Variants in PDE4D observed in about 807,000 individuals in gnomAD.
The protein encoded by PDE4D is 3',5'-cyclic-AMP phosphodiesterase 4D.
In PDE4D, 24 loss-of-function variants were observed where a neutral mutation model predicts 87.4. The ratio of observed to expected loss-of-function variants is 0.27; its 90% CI spans 0.20 to 0.39. The LOEUF is 0.39. PDE4D is among the 10% of genes least tolerant of loss of function. The pLI is 1.00. For synonymous variants in PDE4D, 384 were observed against 383.2 expected (o/e 1.00, Z -0.02); for missense variants, 714 against 1,041.0 (o/e 0.69, Z 4.32).
At position 59,236,147 on chromosome 5, in the gene PDE4D, G is replaced by A. The variant is rs143134313; in HGVS notation, c.456-20179C>T. ...ACATAGGACCTGATAGCTATTTTTTGACCCTTGCCACCCTCTCTTCCTCCC... is the reference window on the plus strand; with the variant it reads ...ACATAGGACCTGATAGCTATTTTTTAACCCTTGCCACCCTCTCTTCCTCCC... On this transcript the variant is annotated intron_variant, in intron 1 of 14. Transcript: ENST00000340635. Among the ~76,000 whole-genome samples, 19 of 152,068 alleles carry A rather than the reference G, an allele frequency of 1.2e-4. No homozygotes were observed. The East Asian group carries it at 3.3e-3, about 26-fold the overall frequency.
chr5:59,021,955 G>A (rs1350746479), intron 6 of PDE4D, among the ~76,000 whole-genome samples: 3 of 152,190 alleles, frequency 2.0e-5, no homozygotes, highest in Middle Eastern at 3.4e-3. Flanking sequence ...CCAGGCAGCC[G>A]GTCCTTCAGG....
At chr5:59,025,878 G>C (rs1466805036) in intron 6 of PDE4D, among the ~76,000 whole-genome samples, 2 of 152,182 alleles carry the variant, frequency 1.3e-5, no homozygotes, top group Admixed American at 1.3e-4. Flanking sequence ...GACAGGCCAA[G>C]GTGTTTCCTA....
chr5:59,585,943 G>C lies in PDE4D; in HGVS notation c.455+307225C>G, dbSNP rs143324886. On this transcript the variant is annotated intron_variant, in intron 1 of 14. Coordinates refer to ENST00000340635, the MANE Select transcript of PDE4D (RefSeq NM_001104631.2). ...CTTCTTTTAGAAATTCAGACAAATT[G>C]ATATATCAGAAATTCATGTGTGCCC... is the stretch of plus-strand genomic sequence containing the variant. 3.0e-3 allele frequency among the ~76,000 whole-genome samples: 450 copies of C among 152,268 alleles called. 2 individuals carry two copies. Among genetic ancestry groups the C allele is most frequent in the African/African-American group, 9.4e-3 (390 of 41,558 alleles).
chr5:59,035,255 G>A (rs562180720), intron 6 of PDE4D, among the ~76,000 whole-genome samples: 2 of 152,306 alleles, frequency 1.3e-5, no homozygotes, highest in South Asian at 4.1e-4. Flanking sequence ...AGTAAAACAG[G>A]AAAAGTACTT....
intron 3 of PDE4D, chr5:59,987,730 C>A (rs990396907): frequency 6.6e-6 from 1 of 152,164 alleles, no homozygotes; most frequent in Non-Finnish European, 1.5e-5. Context: ...ATCCAGGCTT[C>A]TTAAAAATGC....
chr5:59,494,869 G>A (rs2153661844), intron 1 of PDE4D, among the ~76,000 whole-genome samples: 1 of 152,270 alleles, frequency 6.6e-6, no homozygotes, highest in African/African-American at 2.4e-5. Context: ...TCCTCACTTG[G>A]AGTGTTGGAA....
At chr5:60,323,047 G>A (rs1475827265) in intron 1 of PDE4D, among the ~76,000 whole-genome samples, 3 of 152,026 alleles carry the variant, frequency 2.0e-5, no homozygotes, top group Non-Finnish European at 2.9e-5. Context: ...GTTGATCTTC[G>A]TTCACATAGA....
At chr5:59,149,335 A>G (rs778076191) in intron 5 of PDE4D, among the ~76,000 whole-genome samples, 4 of 152,190 alleles carry the variant, frequency 2.6e-5, no homozygotes, top group Non-Finnish European at 5.9e-5. Context: ...CTAAAGGACC[A>G]GGTTCTTTCA....
chr5:59,208,036 A>G (rs757392042), intron 2 of PDE4D, among the ~76,000 whole-genome samples: 4 of 151,478 alleles, frequency 2.6e-5, no homozygotes, highest in African/African-American at 4.8e-5. Context: ...GCACGGTGGC[A>G]GGTACCTGTA....
At chr5:59,444,733 A>T (rs1466844377) in intron 1 of PDE4D, among the ~76,000 whole-genome samples, 1 of 152,100 alleles carries the variant, frequency 6.6e-6, no homozygotes, top group Non-Finnish European at 1.5e-5. Flanking sequence ...AATGGCATGA[A>T]CCTGGGAGGC....
At chr5:59,560,084 A>G (rs906400411) in intron 1 of PDE4D, among the ~76,000 whole-genome samples, 1 of 152,216 alleles carries the variant, frequency 6.6e-6, no homozygotes, top group Non-Finnish European at 1.5e-5. Context: ...TTGGTTTAGG[A>G]CATGGCACCA....
intron 5 of PDE4D, among the ~76,000 whole-genome samples, chr5:59,163,225 G>C (rs1276031485): frequency 2.0e-5 from 3 of 151,500 alleles, no homozygotes; most frequent in Non-Finnish European, 4.4e-5. Context: ...TGGGATTACA[G>C]GTGTGAGCCA....
intron 1 of PDE4D, among the ~76,000 whole-genome samples, chr5:60,271,657 T>C (rs1312366583): frequency 1.3e-5 from 2 of 152,194 alleles, no homozygotes; most frequent in African/African-American, 4.8e-5. Flanking sequence ...TTCCCTGCGC[T>C]AATCTGGTTT....
At chr5:60,193,536 G>A (rs946340697) in intron 1 of PDE4D, among the ~76,000 whole-genome samples, 5 of 151,214 alleles carry the variant, frequency 3.3e-5, no homozygotes, top group African/African-American at 1.2e-4. Context: ...CGGGCGAGGT[G>A]GCGGGCGCCT....
chr5:60,182,842 T>C (rs1784479909), intron 2 of PDE4D, among the ~76,000 whole-genome samples: 1 of 150,542 alleles, frequency 6.6e-6, no homozygotes, highest in Non-Finnish European at 1.5e-5. Flanking sequence ...ATCGCGCCAC[T>C]GCGCTCCAGC....
chr5:60,271,029 T>C (rs541749567), intron 1 of PDE4D, among the ~76,000 whole-genome samples: 83 of 152,296 alleles, frequency 5.4e-4, no homozygotes, highest in African/African-American at 1.9e-3. Context: ...GATGTTCTCT[T>C]CATTTTAGTA....
At chr5:59,157,214 T>G (rs902801265) in intron 5 of PDE4D, 4 of 675,222 alleles carry the variant, frequency 5.9e-6, no homozygotes, top group Middle Eastern at 2.4e-4. Context: ...ATAAAATGGT[T>G]AAAACTGAAG....
At chr5:60,214,329 T>C (rs1488216170) in intron 1 of PDE4D, among the ~76,000 whole-genome samples, 2 of 152,216 alleles carry the variant, frequency 1.3e-5, no homozygotes, top group African/African-American at 2.4e-5. Context: ...AGCAAATTCA[T>C]AGAAAGGAGA....
At chr5:59,227,518 C>A (rs1754067588) in intron 1 of PDE4D, among the ~76,000 whole-genome samples, 1 of 151,872 alleles carries the variant, frequency 6.6e-6, no homozygotes, top group Admixed American at 6.6e-5. Context: ...AGTCTAATAC[C>A]CAGAATCTAC....
Sources: gnomAD v4.1 joint callset for allele counts (sites outside exome capture counted in the v4.1 genomes callset) on GRCh38, gnomAD v4.1.1 for gene constraint, MANE v1.5 for transcripts, NCBI Gene and HGNC (gene_info 2026-07-23, HGNC 2026-07-21) for gene names.